The following GABRB1 variants were observed in gnomAD, a reference collection of about 807,000 sequenced individuals.
The protein encoded by GABRB1 is gamma-aminobutyric acid receptor subunit beta-1.
A neutral mutation model predicts 51.6 loss-of-function variants in GABRB1; 17 were observed. The observed-to-expected ratio is 0.33, with a 90% CI of 0.23 to 0.49. The LOEUF is 0.49. GABRB1 is among the 20% of genes least tolerant of loss of function. The probability of loss-of-function intolerance (pLI) is 0.99; values close to 1 mark genes in which losing one functional copy is unlikely to be tolerated. For missense variants in GABRB1, 410 were observed against 600.6 expected, an observed-to-expected ratio of 0.68 and a Z score of 3.32; for synonymous variants, 247 against 218.9, an observed-to-expected ratio of 1.13 and a Z score of -1.14.
chr4:47,404,528 C>CACACACACACACAT (rs1175767827), intron 7 of GABRB1, among the ~76,000 whole-genome samples: 7 of 150,742 alleles, frequency 4.6e-5, no homozygotes, highest in African/African-American at 1.7e-4. Context: ...CACACACACA[C>CACACACACACACAT]ATCATTTCTG....
chr4:47,089,988 A>T (rs896770552), intron 3 of GABRB1, among the ~76,000 whole-genome samples: 1 of 152,220 alleles, frequency 6.6e-6, no homozygotes, highest in African/African-American at 2.4e-5. Context: ...ATAATACTAG[A>T]AAGTGATTTC....
At chr4:47,058,991 TTAAC>T (rs1009086287) in intron 3 of GABRB1, among the ~76,000 whole-genome samples, 1 of 152,218 alleles carries the variant, frequency 6.6e-6, no homozygotes, top group African/African-American at 2.4e-5. Context: ...TATTAGTTGA[TTAAC>T]TAATTAACTG....
intron 4 of GABRB1, among the ~76,000 whole-genome samples, chr4:47,214,847 A>T (rs539336686): frequency 9.9e-5 from 15 of 152,262 alleles, no homozygotes; most frequent in Admixed American, 4.6e-4. Flanking sequence ...AAATCTCCAA[A>T]TATCTGTCTT....
At chr4:47,140,575 CA>C (rs1716892089) in intron 3 of GABRB1, among the ~76,000 whole-genome samples, 1 of 151,844 alleles carries the variant, frequency 6.6e-6, no homozygotes, top group Non-Finnish European at 1.5e-5. Context: ...CAGTGACATG[CA>C]AAACATGGTG....
intron 1 of GABRB1, among the ~76,000 whole-genome samples, chr4:47,000,347 T>A (rs1341827644): frequency 6.6e-6 from 1 of 152,340 alleles, no homozygotes; most frequent in East Asian, 1.9e-4. Flanking sequence ...GTAAGCTTTA[T>A]CTCATTAAAA....
At chr4:47,408,002 G>T (rs556636733) in intron 8 of GABRB1, among the ~76,000 whole-genome samples, 1 of 152,302 alleles carries the variant, frequency 6.6e-6, no homozygotes, top group African/African-American at 2.4e-5. Context: ...TGAGATGGGA[G>T]GATGGCTTAA....
intron 3 of GABRB1, among the ~76,000 whole-genome samples, chr4:47,121,327 C>T (rs1186842191): frequency 1.3e-5 from 2 of 152,182 alleles, no homozygotes; most frequent in Non-Finnish European, 2.9e-5. Flanking sequence ...CCCCTGAGGC[C>T]ACTGCCAGGG....
intron 4 of GABRB1, among the ~76,000 whole-genome samples, chr4:47,282,475 C>A (rs1723328028): frequency 6.6e-6 from 1 of 152,058 alleles, no homozygotes; most frequent in Non-Finnish European, 1.5e-5. Flanking sequence ...AGATCACAAC[C>A]ATACATAACT....
intron 4 of GABRB1, among the ~76,000 whole-genome samples, chr4:47,237,256 A>G (rs1341717635): frequency 6.6e-6 from 1 of 152,052 alleles, no homozygotes; most frequent in Non-Finnish European, 1.5e-5. Flanking sequence ...GGGATAATGG[A>G]AGAAATCATT....
At chr4:47,302,091 T>C (rs1243164015) in intron 4 of GABRB1, among the ~76,000 whole-genome samples, 1 of 152,134 alleles carries the variant, frequency 6.6e-6, no homozygotes, top group Non-Finnish European at 1.5e-5. Context: ...CAGATCAAGA[T>C]TAAACATAGC....
chr4:47,008,771 A>G (rs1003397103), intron 1 of GABRB1, among the ~76,000 whole-genome samples: 3 of 139,656 alleles, frequency 2.1e-5, no homozygotes, highest in African/African-American at 5.4e-5. Context: ...GAGCCACTGC[A>G]CCTAGCCAAT....
chr4:47,120,277 T>C (rs999022788), intron 3 of GABRB1, among the ~76,000 whole-genome samples: 4 of 152,158 alleles, frequency 2.6e-5, no homozygotes, highest in Admixed American at 1.3e-4. Context: ...AGATTGACTC[T>C]GATACAATAT....
At chr4:47,083,409 T>C (rs1727933384) in intron 3 of GABRB1, among the ~76,000 whole-genome samples, 1 of 152,208 alleles carries the variant, frequency 6.6e-6, no homozygotes, top group African/African-American at 2.4e-5. Context: ...TGAAATTCTT[T>C]TCATTTATGG....
intron 3 of GABRB1, among the ~76,000 whole-genome samples, chr4:47,041,063 A>G (rs1355128869): frequency 6.6e-6 from 1 of 152,126 alleles, no homozygotes; most frequent in African/African-American, 2.4e-5. Flanking sequence ...TTGTGTTTCC[A>G]TGTGAGATTG....
chr4:47,043,679 A>G (rs1477682054), intron 3 of GABRB1, among the ~76,000 whole-genome samples: 1 of 152,072 alleles, frequency 6.6e-6, no homozygotes, highest in Non-Finnish European at 1.5e-5. Context: ...AACCTGTTCA[A>G]TTTCACTGAG....
At chr4:47,194,393 G>T (rs1560579638) in intron 4 of GABRB1, among the ~76,000 whole-genome samples, 1 of 152,024 alleles carries the variant, frequency 6.6e-6, no homozygotes, top group Non-Finnish European at 1.5e-5. Context: ...CAATCCTCTT[G>T]TTTTGCCTTT....
chr4:47,411,654 A>G (rs1728765342), intron 8 of GABRB1, among the ~76,000 whole-genome samples: 1 of 152,198 alleles, frequency 6.6e-6, no homozygotes, highest in South Asian at 2.1e-4. Flanking sequence ...CTTTATGTCA[A>G]TGTCACTTTC....
intron 4 of GABRB1, among the ~76,000 whole-genome samples, chr4:47,261,715 A>G (rs1299515854): frequency 6.6e-6 from 1 of 152,134 alleles, no homozygotes; most frequent in Non-Finnish European, 1.5e-5. Context: ...ATGGAACCAA[A>G]AAAGAGCCCG....
At chr4:47,129,365 A>G (rs1262710705) in intron 3 of GABRB1, among the ~76,000 whole-genome samples, 1 of 152,180 alleles carries the variant, frequency 6.6e-6, no homozygotes, top group Non-Finnish European at 1.5e-5. Context: ...ATATAAACCA[A>G]ATATCAAACA....
Sources: allele counts gnomAD v4.1 joint callset (sites outside exome capture counted in the v4.1 genomes callset), GRCh38; gene constraint gnomAD v4.1.1; transcripts MANE v1.5; gene names NCBI Gene and HGNC (gene_info 2026-07-23, HGNC 2026-07-21).